PTPN22: variants seen among roughly 807,000 people sequenced by gnomAD.
The protein encoded by PTPN22 is tyrosine-protein phosphatase non-receptor type 22.
In PTPN22, 85 loss-of-function variants were observed where a neutral mutation model predicts 103.3. The observed-to-expected ratio is 0.82, with a 90% CI of 0.69 to 0.99. The LOEUF is 0.99. PTPN22 is among the 50% of genes least tolerant of loss of function. PTPN22 has a pLI of 0.00. For missense variants in PTPN22, 865 were observed against 936.9 expected, an observed-to-expected ratio of 0.92 and a Z score of 1.00; for synonymous variants, 323 against 310.2, an observed-to-expected ratio of 1.04 and a Z score of -0.43.
chr1:113,863,424 A>G (rs1665795823), intron 1 of PTPN22, among the ~76,000 whole-genome samples: 1 of 152,178 alleles, frequency 6.6e-6, no homozygotes, highest in South Asian at 2.1e-4. Flanking sequence ...CTGTGAGTAA[A>G]TGAAAATGTA....
chr1:113,828,019 A>G (rs1341924417), intron 18 of PTPN22, among the ~76,000 whole-genome samples: 2 of 152,206 alleles, frequency 1.3e-5, no homozygotes, highest in Non-Finnish European at 2.9e-5. Context: ...GAACATATCA[A>G]ATATATAAAG....
At chr1:113,851,524 G>T (rs2102062145) in intron 10 of PTPN22, among the ~76,000 whole-genome samples, 1 of 152,280 alleles carries the variant, frequency 6.6e-6, no homozygotes, top group African/African-American at 2.4e-5. Flanking sequence ...AATAGTAATA[G>T]TGGCTATCTG....
At chr1:113,854,226 T>C (rs1384610070) in intron 9 of PTPN22, among the ~76,000 whole-genome samples, 1 of 152,154 alleles carries the variant, frequency 6.6e-6, no homozygotes, top group Non-Finnish European at 1.5e-5. Context: ...TAATAACATA[T>C]CTTAGCCCAA....
exon 8 of PTPN22, chr1:113,854,915 A>T: frequency 6.2e-7 from 1 of 1,613,440 alleles, no homozygotes; most frequent in Non-Finnish European, 8.5e-7. Context: ...ACCTGCAGTG[A>T]ATGCATATGG....
chr1:113,860,445 A>G (rs750894088), intron 1 of PTPN22, among the ~76,000 whole-genome samples: 2 of 152,200 alleles, frequency 1.3e-5, no homozygotes, highest in African/African-American at 2.4e-5. Flanking sequence ...TCCTCCGTAT[A>G]TAAAGAGAGC....
intron 19 of PTPN22, 44 bp downstream of exon 19, chr1:113,825,098 C>A: frequency 3.0e-6 from 4 of 1,345,660 alleles, no homozygotes; most frequent in Non-Finnish European, 3.1e-6. Flanking sequence ...ATAAAAATTA[C>A]AAAATTGAGA....
chr1:113,827,375 C>G (rs1662174799), intron 18 of PTPN22, among the ~76,000 whole-genome samples: 1 of 151,960 alleles, frequency 6.6e-6, no homozygotes, highest in Non-Finnish European at 1.5e-5. Flanking sequence ...GTTTTTTATC[C>G]TCTGTTGTTA....
At chr1:113,823,339 G>C (rs1488496493) in intron 19 of PTPN22, 1 of 152,236 alleles carries the variant, frequency 6.6e-6, no homozygotes, top group Non-Finnish European at 1.5e-5. Flanking sequence ...CAGCTTTACA[G>C]ACCAGTGGGA....
At chr1:113,848,988 A>T (rs1044791930) in intron 10 of PTPN22, among the ~76,000 whole-genome samples, 6 of 151,996 alleles carry the variant, frequency 3.9e-5, no homozygotes, top group African/African-American at 1.4e-4. Context: ...TTCATTCTAG[A>T]TGGATTTTTT....
intron 7 of PTPN22, among the ~76,000 whole-genome samples, chr1:113,855,837 T>C (rs1482032071): frequency 6.6e-6 from 1 of 152,218 alleles, no homozygotes; most frequent in Non-Finnish European, 1.5e-5. Flanking sequence ...ATCATGCTGA[T>C]ATATTAAATC....
At chr1:113,864,742 C>T (rs937181159) in intron 1 of PTPN22, among the ~76,000 whole-genome samples, 7 of 151,246 alleles carry the variant, frequency 4.6e-5, no homozygotes, top group Admixed American at 4.6e-4. Context: ...GAAACCTTGT[C>T]TCTACTAAAA....
At chr1:113,857,593 A>T in intron 5 of PTPN22, 145 bp downstream of exon 5, 1 of 661,342 alleles carries the variant, frequency 1.5e-6, no homozygotes, top group Non-Finnish European at 2.6e-6. Flanking sequence ...ATCCTCTGAG[A>T]ATCACGTGGC....
intron 11 of PTPN22, among the ~76,000 whole-genome samples, chr1:113,846,785 C>T (rs1378553707): frequency 6.6e-6 from 1 of 152,144 alleles, no homozygotes; most frequent in African/African-American, 2.4e-5. Flanking sequence ...GTGCCACTTC[C>T]TTCTGACCTC....
chr1:113,819,457 G>C (rs1486713161), intron 20 of PTPN22, 120 bp downstream of exon 20: 2 of 573,634 alleles, frequency 3.5e-6, no homozygotes, highest in Admixed American at 7.2e-5. Context: ...GCATGGAAAA[G>C]AATATAAACA....
At chr1:113,838,835 T>C (rs12730735) in intron 11 of PTPN22, among the ~76,000 whole-genome samples, 33,086 of 152,112 alleles carry the variant, frequency 0.22, 4,500 homozygotes, top group South Asian at 0.39. Flanking sequence ...TTATAGAAAC[T>C]AGAAAGGATT....
intron 9 of PTPN22, 37 bp from the exon 10 acceptor site, chr1:113,852,141 T>G: frequency 6.8e-7 from 1 of 1,475,338 alleles, no homozygotes; most frequent in African/African-American, 1.4e-5. Context: ...CTTTCAATAT[T>G]TTGTTAATAA....
chr1:113,846,561 G>A (rs1664069610), intron 11 of PTPN22, among the ~76,000 whole-genome samples: 2 of 152,102 alleles, frequency 1.3e-5, no homozygotes, highest in Admixed American at 6.6e-5. Context: ...ACCCACTTTT[G>A]TTTATTATGT....
intron 7 of PTPN22, among the ~76,000 whole-genome samples, chr1:113,855,286 G>C (rs1664947424): frequency 6.6e-6 from 1 of 152,080 alleles, no homozygotes; most frequent in South Asian, 2.1e-4. Flanking sequence ...CTTGAGGTCA[G>C]GAGTTCAAGA....
intron 16 of PTPN22, among the ~76,000 whole-genome samples, chr1:113,832,218 C>T (rs749436613): frequency 3.3e-5 from 5 of 152,166 alleles, no homozygotes; most frequent in Non-Finnish European, 5.9e-5. Context: ...GATGGAGTCT[C>T]GCTCTGTCAC....
Sources: gnomAD v4.1 joint callset for allele counts (sites outside exome capture counted in the v4.1 genomes callset) on GRCh38, gnomAD v4.1.1 for gene constraint, MANE v1.5 for transcripts, NCBI Gene and HGNC (gene_info 2026-07-23, HGNC 2026-07-21) for gene names.